LIMK1: variants seen among roughly 807,000 people sequenced by gnomAD.
The protein encoded by LIMK1 is LIM motif-containing protein kinase.
A neutral mutation model predicts 77.6 loss-of-function variants in LIMK1; 21 were observed. That is an observed-to-expected ratio of 0.27 (90% CI 0.19 to 0.39). LIMK1 has a LOEUF of 0.39. Ranked by LOEUF, LIMK1 falls within the 10% of genes least tolerant of loss-of-function variation. The pLI, the probability that LIMK1 is intolerant of heterozygous loss-of-function variation, is 1.00. For missense variants in LIMK1, 696 were observed against 901.6 expected, an observed-to-expected ratio of 0.77 and a Z score of 2.92; for synonymous variants, 358 against 370.0, an observed-to-expected ratio of 0.97 and a Z score of 0.37.
intron 9 of LIMK1, among the ~76,000 whole-genome samples, chr7:74,108,252 C>T (rs1044204019): frequency 2.0e-5 from 3 of 151,776 alleles, no homozygotes; most frequent in Non-Finnish European, 2.9e-5. Context: ...GTGGGAGGCT[C>T]GCTTGAGCCC....
At position 74,108,894 on chromosome 7, in the gene LIMK1, T is replaced by G; in HGVS notation, c.1153-11T>G. The G allele has an allele frequency of 1.2e-6, 2 of 1,612,148 alleles. No homozygotes were observed. The highest frequency in any genetic ancestry group is 1.7e-6 in the Non-Finnish European group (2 of 1,178,850). On this transcript the variant is annotated splice_polypyrimidine_tract_variant and intron_variant, in intron 9 of 15. Transcript: ENST00000336180. The stretch of plus-strand genomic sequence containing the variant: ...ACAGAGCCCGGGCCCAGCCTGTTTG[T>G]GCCCCGCCAGGTGAAGGTCATGCGA...
At chr7:74,097,848 T>A (rs1201149097) in intron 4 of LIMK1, among the ~76,000 whole-genome samples, 1 of 152,170 alleles carries the variant, frequency 6.6e-6, no homozygotes, top group Non-Finnish European at 1.5e-5. Context: ...CCACTCACAC[T>A]TCTGACCGAC....
intron 7 of LIMK1, 119 bp downstream of exon 7, chr7:74,106,362 G>C: frequency 8.5e-7 from 1 of 1,174,380 alleles, no homozygotes; most frequent in Admixed American, 2.3e-5. Context: ...TTGAGCCAGG[G>C]AGGTGGAGGC....
At chr7:74,117,116 C>T (rs1799830912) in intron 13 of LIMK1, among the ~76,000 whole-genome samples, 1 of 152,030 alleles carries the variant, frequency 6.6e-6, no homozygotes, top group Admixed American at 6.6e-5. Flanking sequence ...CTCCTGACCT[C>T]GTGATCCGCC....
At chr7:74,116,576 G>T (rs1268114248) in intron 13 of LIMK1, among the ~76,000 whole-genome samples, 1 of 152,000 alleles carries the variant, frequency 6.6e-6, no homozygotes, top group Admixed American at 6.6e-5. Flanking sequence ...TTTCTGGCTC[G>T]TGGAGGCTTC....
intron 9 of LIMK1, 107 bp downstream of exon 9, chr7:74,108,064 C>T (rs1032637379): frequency 3.7e-5 from 30 of 810,988 alleles, no homozygotes; most frequent in African/African-American, 1.4e-4. Context: ...GAAAGAAGAG[C>T]GAGCAGGCCA....
intron 13 of LIMK1, among the ~76,000 whole-genome samples, chr7:74,118,247 C>T (rs1317792306): frequency 1.3e-5 from 2 of 151,362 alleles, no homozygotes; most frequent in South Asian, 2.1e-4. Flanking sequence ...CGTGGTTGCA[C>T]GCGTCTGTAG....
chr7:74,115,714 A>G lies in LIMK1; in HGVS notation c.1411-88A>G, dbSNP rs1430144666. The stretch of plus-strand genomic sequence containing the variant: ...CAGAGGTATGTTCTCTGGGCTGTCT[A>G]CAGGTTGGCTTGGGGTCCTGGGGAG... On this transcript the variant is annotated intron_variant, in intron 12 of 15. Transcript: ENST00000336180. The G allele has an allele frequency of 2.6e-5, 37 of 1,440,220 alleles. No individual in the cohort carries two copies. The East Asian group carries it at 4.3e-4, about 17-fold the overall frequency. 89.2% of individuals were successfully genotyped at this position (1,440,220 alleles called of 1,614,324 possible).
At chr7:74,100,566 G>A (rs117782709) in intron 5 of LIMK1, among the ~76,000 whole-genome samples, 3,295 of 152,026 alleles carry the variant, frequency 0.022, 52 homozygotes, top group Non-Finnish European at 0.032. Flanking sequence ...GGGACTACAG[G>A]TGACCACATG....
At chr7:74,097,694 C>T (rs143101330) in intron 4 of LIMK1, among the ~76,000 whole-genome samples, 17 of 152,282 alleles carry the variant, frequency 1.1e-4, no homozygotes, top group Middle Eastern at 6.8e-3. Context: ...AAACCTCAGA[C>T]GTCAGCTTTC....
chr7:74,115,711 T>C, intron 12 of LIMK1, 91 bp from the exon 13 acceptor site: 1 of 1,421,646 alleles, frequency 7.0e-7, no homozygotes, highest in Non-Finnish European at 9.7e-7. Context: ...CTCTGGGCTG[T>C]CTACAGGTTG....
intron 5 of LIMK1, among the ~76,000 whole-genome samples, chr7:74,101,467 C>T (rs1448123502): frequency 6.6e-6 from 1 of 152,160 alleles, no homozygotes; most frequent in African/African-American, 2.4e-5. Flanking sequence ...ATGATGACAC[C>T]ATGCATTCCA....
chr7:74,121,280 C>T lies in LIMK1; in HGVS notation c.1923C>T (p.Ala641=), dbSNP rs1799933646. Reference sequence around the variant, plus strand: ...GGCGCGGCGAGAGCGGACTGCCTGCCCACCCTGAGGTCCCCGACTGAGCCA... The same window carrying T: ...GGCGCGGCGAGAGCGGACTGCCTGCTCACCCTGAGGTCCCCGACTGAGCCA... ...TYRRGESGLP[A]HPEVPD The change falls in exon 16 of 16, where the codon GCC becomes GCT. Residue 641 remains alanine, a synonymous_variant. Coordinates refer to ENST00000336180, the MANE Select transcript of LIMK1 (RefSeq NM_002314.4). 1 of 1,606,204 alleles carries T rather than the reference C, an allele frequency of 6.2e-7. No homozygotes were observed. The highest frequency in any genetic ancestry group is 1.3e-5 in the African/African-American group (1 of 74,908).
At chr7:74,119,119 G>A (rs933060329) in intron 13 of LIMK1, among the ~76,000 whole-genome samples, 7 of 151,054 alleles carry the variant, frequency 4.6e-5, no homozygotes, top group Non-Finnish European at 1.0e-4. Flanking sequence ...TCCTGACCTC[G>A]TGATCCACCC....
Position 74,121,462 on chromosome 7 carries a change from G to C in LIMK1, c.*161G>C, listed in dbSNP as rs1462062675. 7 of 700,856 alleles carry C rather than the reference G, an allele frequency of 1.0e-5. No homozygotes were observed. Among genetic ancestry groups the C allele is most frequent in the South Asian group, 2.1e-5 (1 of 48,716 alleles). 43.4% of individuals were successfully genotyped at this position (700,856 alleles called of 1,614,324 possible). A position where few individuals can be genotyped will look rare whatever the true frequency, so the allele number is the denominator to read the frequency against. On this transcript the variant is annotated 3_prime_UTR_variant, in exon 16 of 16. Transcript: ENST00000336180. Reference sequence around the variant, plus strand: ...TCCCACCCCGTGGACCGCTTCCCCTGCCTTCTCTCTGCCGTGGCCCAGAGC... The same window carrying C: ...TCCCACCCCGTGGACCGCTTCCCCTCCCTTCTCTCTGCCGTGGCCCAGAGC...
At position 74,121,514 on chromosome 7, in the gene LIMK1, C is replaced by G. The variant is rs1335814293; in HGVS notation, c.*213C>G. On this transcript the variant is annotated 3_prime_UTR_variant, in exon 16 of 16. Transcript: ENST00000336180. Reference sequence around the variant, plus strand: ...GGCCCAGCTGCACACACACACCATGCTCTCGCCCTGCTGTAACCTCTGTCT... The same window carrying G: ...GGCCCAGCTGCACACACACACCATGGTCTCGCCCTGCTGTAACCTCTGTCT... The G allele has an allele frequency of 3.6e-6, 2 of 557,728 alleles. No individual in the cohort carries two copies. Among genetic ancestry groups the G allele is most frequent in the Non-Finnish European group, 6.3e-6 (2 of 316,968 alleles). 34.5% of individuals were successfully genotyped at this position (557,728 alleles called of 1,614,324 possible).
intron 5 of LIMK1, among the ~76,000 whole-genome samples, chr7:74,103,743 A>G (rs1554696946): frequency 2.6e-5 from 4 of 152,040 alleles, no homozygotes; most frequent in Non-Finnish European, 4.4e-5. Context: ...TTCCTTCTGC[A>G]TTTGTTACTG....
In LIMK1 at chr7:74,090,300, G is replaced by A. The variant is rs192265491; in HGVS notation, c.152+4456G>A. On this transcript the variant is annotated intron_variant, in intron 2 of 15. Coordinates refer to ENST00000336180, the MANE Select transcript of LIMK1 (RefSeq NM_002314.4). Reference sequence around the variant, plus strand: ...TGAGGCAGAAGAATCGCTTGAACCCGAGAGGCAGTGATTGCAGTGAGTCAA... The same window carrying A: ...TGAGGCAGAAGAATCGCTTGAACCCAAGAGGCAGTGATTGCAGTGAGTCAA... Among the ~76,000 whole-genome samples, 216 of 152,160 alleles carry A rather than the reference G, an allele frequency of 1.4e-3. 1 individual carries two copies. Among genetic ancestry groups the A allele is most frequent in the African/African-American group, 4.4e-3 (181 of 41,510 alleles).
At chr7:74,092,025 G>A (rs782354851) in intron 2 of LIMK1, among the ~76,000 whole-genome samples, 2 of 143,260 alleles carry the variant, frequency 1.4e-5, no homozygotes, top group Non-Finnish European at 3.0e-5. Flanking sequence ...GGAGTGCAGT[G>A]GCGTGATCTC....
Sources: allele counts gnomAD v4.1 joint callset (sites outside exome capture counted in the v4.1 genomes callset), GRCh38; gene constraint gnomAD v4.1.1; transcripts MANE v1.5; gene names NCBI Gene and HGNC (gene_info 2026-07-23, HGNC 2026-07-21).